The following CCDC3 variants were observed in gnomAD, a reference collection of about 807,000 sequenced individuals.
CCDC3 encodes the protein coiled-coil domain-containing protein 3.
In CCDC3, 24 loss-of-function variants were observed where a neutral mutation model predicts 21.4. The observed-to-expected ratio is 1.12, with a 90% CI of 0.81 to 1.58. The LOEUF is 1.58. CCDC3 is among the 40% of genes most tolerant of loss of function. The pLI, the probability that CCDC3 is intolerant of heterozygous loss-of-function variation, is 0.00. For missense variants in CCDC3, 425 were observed against 360.9 expected (o/e 1.18, Z -1.44); for synonymous variants, 186 against 166.0 (o/e 1.12, Z -0.93).
intron 4 of CCDC3, among the ~76,000 whole-genome samples, chr10:13,071,151 C>T (rs1836877312): frequency 6.6e-6 from 1 of 152,132 alleles, no homozygotes; most frequent in South Asian, 2.1e-4. Context: ...AAGCCAAGCC[C>T]CATGCGTCCA....
intron 3 of CCDC3, among the ~76,000 whole-genome samples, chr10:13,078,247 A>C (rs1836989735): frequency 6.6e-6 from 1 of 152,232 alleles, no homozygotes; most frequent in African/African-American, 2.4e-5. Flanking sequence ...CAGCCAAAAA[A>C]CACATGAAAA....
rs71386135 is a variant in CCDC3 at position 12,982,121 on chromosome 10, C to CAAAAA, written c.549+16212_549+16216dup. Among the ~76,000 whole-genome samples, 53 of 33,260 alleles carry CAAAAA rather than the reference C, an allele frequency of 1.6e-3. 6 individuals carry two copies. The highest frequency in any genetic ancestry group is 6.5e-3 in the African/African-American group (48 of 7,430). 21.8% of individuals were successfully genotyped at this position (33,260 alleles called of 152,430 possible). ...TGGGAGACAGAGAGAGACTCTGTCTCAAAAAAAAAAAAAAAAAAAAAAAAA... is the reference window on the plus strand; with the variant it reads ...TGGGAGACAGAGAGAGACTCTGTCTCAAAAAAAAAAAAAAAAAAAAAAAAAAAAAA... On this transcript the variant is annotated intron_variant, in intron 2 of 2. Coordinates refer to ENST00000378825, the MANE Select transcript of CCDC3 (RefSeq NM_031455.4).
upstream of CCDC3, among the ~76,000 whole-genome samples, chr10:13,003,436 G>C (rs1229993311): frequency 1.3e-5 from 2 of 152,196 alleles, no homozygotes; most frequent in African/African-American, 4.8e-5. Flanking sequence ...CCAGATCCAT[G>C]TACTTAACTA....
At chr10:13,002,995 A>G (rs150265151), upstream of CCDC3, among the ~76,000 whole-genome samples, 178 of 152,304 alleles carry the variant, frequency 1.2e-3, no homozygotes, top group Middle Eastern at 3.4e-3. Flanking sequence ...GTCCTCATTT[A>G]ATTACCTGCC....
chr10:13,018,581 G>T (rs1449239873), intron 5 of CCDC3, among the ~76,000 whole-genome samples: 1 of 152,110 alleles, frequency 6.6e-6, no homozygotes, highest in Non-Finnish European at 1.5e-5. Flanking sequence ...TTCTCATCCT[G>T]GAGGAAGAAT....
chr10:12,898,570 C>G lies in CCDC3; in HGVS notation c.659G>C (p.Arg220Pro), dbSNP rs1484418793. Residue 220 changes from arginine to proline, a missense_variant, in exon 3 of 3, where the codon CGA becomes CCA. Transcript: ENST00000378825. Reference protein sequence around the residue: ...LEKRNRQLRERVKKVKRSLRQ... With the variant: ...LEKRNRQLREPVKKVKRSLRQ... ...CAAGGACCTCTTGACCTTCTTCACT[C>G]GCTCCCGGAGCTGCCGGTTGCGCTT... 4.3e-6 allele frequency: 7 copies of G among 1,614,232 alleles called. No homozygotes were observed. Among genetic ancestry groups the G allele is most frequent in the South Asian group, 1.1e-5 (1 of 91,084 alleles).
chr10:13,079,371 A>G (rs991824203), intron 3 of CCDC3, among the ~76,000 whole-genome samples: 2 of 152,218 alleles, frequency 1.3e-5, no homozygotes, highest in Non-Finnish European at 2.9e-5. Flanking sequence ...GACCTGGAGT[A>G]AAGGATCCTC....
chr10:12,941,462 G>A (rs928862125), intron 2 of CCDC3, among the ~76,000 whole-genome samples: 7 of 152,274 alleles, frequency 4.6e-5, no homozygotes, highest in Non-Finnish European at 1.0e-4. Flanking sequence ...ACCCTCTCTT[G>A]GGGTCTGGAT....
At chr10:12,966,629 A>G (rs1331734868) in intron 2 of CCDC3, among the ~76,000 whole-genome samples, 2 of 152,162 alleles carry the variant, frequency 1.3e-5, no homozygotes. Flanking sequence ...ACGGTTTTCC[A>G]AAGCGACCTG....
At chr10:12,920,219 G>A (rs138994519) in intron 2 of CCDC3, among the ~76,000 whole-genome samples, 104 of 152,266 alleles carry the variant, frequency 6.8e-4, no homozygotes, top group Middle Eastern at 3.4e-3. Context: ...GAGAATGAGA[G>A]CCAAGTCAAA....
At chr10:13,028,604 G>T (rs768265233) in intron 5 of CCDC3, among the ~76,000 whole-genome samples, 6 of 152,076 alleles carry the variant, frequency 3.9e-5, no homozygotes, top group Non-Finnish European at 8.8e-5. Context: ...AACATTTAGG[G>T]ATTTAAATGG....
At chr10:13,009,168 C>T (rs966270052) in intron 5 of CCDC3, among the ~76,000 whole-genome samples, 1 of 152,078 alleles carries the variant, frequency 6.6e-6, no homozygotes, top group Non-Finnish European at 1.5e-5. Flanking sequence ...ATACCATTCA[C>T]AATGGCATCA....
At chr10:13,087,895 A>G (rs1439333007) in intron 3 of CCDC3, among the ~76,000 whole-genome samples, 1 of 152,232 alleles carries the variant, frequency 6.6e-6, no homozygotes, top group East Asian at 1.9e-4. Context: ...ATGTGCTCAC[A>G]TTAGGAAGCT....
intron 3 of CCDC3, among the ~76,000 whole-genome samples, chr10:13,082,433 G>A (rs1282071252): frequency 6.6e-6 from 1 of 152,224 alleles, no homozygotes; most frequent in Non-Finnish European, 1.5e-5. Context: ...TATACAGGGT[G>A]GAACATGAAA....
chr10:13,038,220 T>G lies in CCDC3; in HGVS notation c.-2+11454A>C, dbSNP rs1051541018. Among the ~76,000 whole-genome samples, 5 of 151,208 alleles carry G rather than the reference T, an allele frequency of 3.3e-5. No individual in the cohort carries two copies. In the South Asian group the frequency reaches 1.1e-3, roughly 32 times the overall value. ...GGGGCCTATCAGAGGGTGGAGGGTG[T>G]GAGGAGGGAGAGCATCAGGAAGAGT... On this transcript the variant is annotated intron_variant, in intron 5 of 6. Transcript: ENST00000378839.
intron 5 of CCDC3, among the ~76,000 whole-genome samples, chr10:13,017,516 CAAA>C (rs60969932): frequency 9.0e-6 from 1 of 111,700 alleles, no homozygotes; most frequent in Non-Finnish European, 1.8e-5. Context: ...GACTCCATCT[CAAA>C]AAAAAAAAAA....
intron 1 of CCDC3, among the ~76,000 whole-genome samples, chr10:13,000,258 T>C (rs745552549): frequency 1.2e-4 from 19 of 152,196 alleles, no homozygotes; most frequent in Non-Finnish European, 2.6e-4. Flanking sequence ...CTCAGTTGTT[T>C]TATATCACTC....
intron 5 of CCDC3, among the ~76,000 whole-genome samples, chr10:13,036,049 C>T (rs1296978932): frequency 1.3e-5 from 2 of 152,108 alleles, no homozygotes; most frequent in African/African-American, 4.8e-5. Context: ...GAGGCTGAGG[C>T]AGGGGAATCG....
chr10:12,902,468 T>C (rs1834110108), intron 2 of CCDC3, among the ~76,000 whole-genome samples: 1 of 152,126 alleles, frequency 6.6e-6, no homozygotes, highest in African/African-American at 2.4e-5. Flanking sequence ...ACTCCCTCAT[T>C]AAGTCATGAG....
Sources: gnomAD v4.1 joint callset for allele counts (sites outside exome capture counted in the v4.1 genomes callset) on GRCh38, gnomAD v4.1.1 for gene constraint, MANE v1.5 for transcripts, NCBI Gene and HGNC (gene_info 2026-07-23, HGNC 2026-07-21) for gene names.